Variants in AGMO observed in about 807,000 individuals in gnomAD.
AGMO encodes alkylglycerol monooxygenase.
AGMO carries 75 observed loss-of-function variants against 60.2 expected under a neutral mutation model. The ratio of observed to expected loss-of-function variants is 1.25; its 90% CI spans 1.03 to 1.51. AGMO has a LOEUF of 1.51. Among genes scored for constraint, AGMO ranks in the 40% most tolerant of loss-of-function variants. The probability of loss-of-function intolerance (pLI) is 0.00; values close to 1 mark genes in which losing one functional copy is unlikely to be tolerated. For synonymous variants in AGMO, 261 were observed against 177.1 expected (o/e 1.47, Z -3.76); for missense variants, 763 against 525.5 (o/e 1.45, Z -4.42).
intron 12 of AGMO, among the ~76,000 whole-genome samples, chr7:15,268,383 C>G (rs902154108): frequency 6.6e-6 from 1 of 151,972 alleles, no homozygotes; most frequent in Non-Finnish European, 1.5e-5. Flanking sequence ...CCATATTATT[C>G]CCAACATGGA....
intron 12 of AGMO, among the ~76,000 whole-genome samples, chr7:15,234,738 T>A (rs1038422669): frequency 6.6e-6 from 1 of 152,160 alleles, no homozygotes; most frequent in Non-Finnish European, 1.5e-5. Context: ...AAAGAGGAGT[T>A]GCTATGTTTC....
At chr7:15,150,993 C>G in the AGMO span, among the ~76,000 whole-genome samples, 126 of 152,082 alleles carry the variant, frequency 8.3e-4, no homozygotes, top group South Asian at 2.9e-3. Flanking sequence ...TTCGATTTCA[C>G]AATTAGTTAT....
chr7:15,120,211 G>A, the AGMO span, among the ~76,000 whole-genome samples: 1 of 151,834 alleles, frequency 6.6e-6, no homozygotes. Context: ...TCTCTTTGAA[G>A]TCACCCCCAC....
At chr7:15,139,951 G>A in the AGMO span, among the ~76,000 whole-genome samples, 2 of 150,412 alleles carry the variant, frequency 1.3e-5, no homozygotes, top group Non-Finnish European at 3.0e-5. Context: ...TTATATGTTA[G>A]AACCTTATAA....
intron 3 of AGMO, among the ~76,000 whole-genome samples, chr7:15,471,317 C>T (rs999706009): frequency 1.3e-5 from 2 of 151,734 alleles, no homozygotes; most frequent in Admixed American, 6.6e-5. Flanking sequence ...CTGACTTCAT[C>T]GTATATCTGA....
intron 3 of AGMO, among the ~76,000 whole-genome samples, chr7:15,462,567 T>C (rs1312219073): frequency 6.6e-6 from 1 of 152,174 alleles, no homozygotes; most frequent in Non-Finnish European, 1.5e-5. Context: ...GGCTAAATTA[T>C]AGTCATGCAG....
intron 12 of AGMO, among the ~76,000 whole-genome samples, chr7:15,264,024 T>C (rs1321099064): frequency 3.3e-5 from 5 of 151,904 alleles, no homozygotes; most frequent in African/African-American, 2.4e-5. Flanking sequence ...AATTTATTCA[T>C]GTAACCAAAC....
At chr7:15,345,991 A>G (rs1455555654) in intron 12 of AGMO, among the ~76,000 whole-genome samples, 1 of 152,166 alleles carries the variant, frequency 6.6e-6, no homozygotes, top group Non-Finnish European at 1.5e-5. Flanking sequence ...AAACGTTAGT[A>G]CAATTATTGA....
At chr7:15,150,798 A>G in the AGMO span, among the ~76,000 whole-genome samples, 1 of 152,100 alleles carries the variant, frequency 6.6e-6, no homozygotes, top group Non-Finnish European at 1.5e-5. Flanking sequence ...TTTTGTTAGT[A>G]TCAGAATGAT....
chr7:15,383,095 G>A (rs1449338498), intron 10 of AGMO, among the ~76,000 whole-genome samples: 1 of 151,698 alleles, frequency 6.6e-6, no homozygotes, highest in Non-Finnish European at 1.5e-5. Flanking sequence ...CATAATCTAG[G>A]ACCACATACA....
At chr7:15,208,666 T>C (rs1401418471) in intron 12 of AGMO, among the ~76,000 whole-genome samples, 3 of 152,324 alleles carry the variant, frequency 2.0e-5, no homozygotes, top group South Asian at 4.1e-4. Flanking sequence ...GATAGCACTA[T>C]TTTTTGAAGT....
At chr7:15,516,812 C>T (rs138121848) in intron 3 of AGMO, among the ~76,000 whole-genome samples, 1 of 150,956 alleles carries the variant, frequency 6.6e-6, no homozygotes, top group African/African-American at 2.4e-5. Flanking sequence ...TGCAGGATAT[C>T]GGTGAGTATA....
the AGMO span, among the ~76,000 whole-genome samples, chr7:15,181,923 A>G: frequency 2.0e-5 from 3 of 152,164 alleles, no homozygotes; most frequent in East Asian, 5.8e-4. Context: ...TCATACTGAT[A>G]GCAGCATTAT....
chr7:15,360,739 T>C (rs1782719672), intron 12 of AGMO, among the ~76,000 whole-genome samples: 1 of 152,042 alleles, frequency 6.6e-6, no homozygotes, highest in African/African-American at 2.4e-5. Flanking sequence ...CATGGACCTG[T>C]GCATTCAAAC....
chr7:15,517,657 T>C (rs1783857570), intron 3 of AGMO, among the ~76,000 whole-genome samples: 1 of 151,994 alleles, frequency 6.6e-6, no homozygotes, highest in Non-Finnish European at 1.5e-5. Context: ...TTTCCCATGG[T>C]CTTCGCAACC....
At chr7:15,306,936 T>C (rs1489979506) in intron 12 of AGMO, among the ~76,000 whole-genome samples, 1 of 152,020 alleles carries the variant, frequency 6.6e-6, no homozygotes, top group African/African-American at 2.4e-5. Flanking sequence ...TACGTTACAA[T>C]CATGAGAAAT....
intron 12 of AGMO, among the ~76,000 whole-genome samples, chr7:15,227,574 G>A (rs1782126010): frequency 6.6e-6 from 1 of 151,500 alleles, no homozygotes; most frequent in Admixed American, 6.6e-5. Flanking sequence ...AATACAACTG[G>A]CTAAAATCAC....
At chr7:15,436,860 C>G (rs567593515) in intron 3 of AGMO, among the ~76,000 whole-genome samples, 2 of 152,180 alleles carry the variant, frequency 1.3e-5, no homozygotes, top group Admixed American at 1.3e-4. Context: ...TTAAAGAGCT[C>G]AACACATGCT....
At position 15,561,789 on chromosome 7, in the gene AGMO, C is replaced by T. The variant is rs553604385; in HGVS notation, c.57G>A (p.Leu19=). 6.2e-7 allele frequency: 1 copy of T among 1,609,692 alleles called. No individual in the cohort carries two copies. The highest frequency in any genetic ancestry group is 1.1e-5 in the South Asian group (1 of 90,740). ...DVSVSQGFRM[L]FYTMKPSETS... ...TTTCACTGGGTTTCATCGTGTAAAA[C>T]AACATGCGAAATCCCTGGGAAACTG... The change falls in exon 1 of 13, where the codon TTG becomes TTA. Residue 19 remains leucine, a synonymous_variant. Transcript: ENST00000342526.
Sources: gnomAD v4.1 joint callset for allele counts (sites outside exome capture counted in the v4.1 genomes callset) on GRCh38, gnomAD v4.1.1 for gene constraint, MANE v1.5 for transcripts, NCBI Gene and HGNC (gene_info 2026-07-23, HGNC 2026-07-21) for gene names.